The following PRICKLE1 variants were observed in gnomAD, a reference collection of about 807,000 sequenced individuals.
PRICKLE1 encodes the protein prickle-like protein 1.
Under a neutral mutation model 70.2 loss-of-function variants are expected in PRICKLE1, and 14 were observed. The ratio of observed to expected loss-of-function variants is 0.20; its 90% CI spans 0.13 to 0.31. The LOEUF is 0.31. PRICKLE1 is among the 10% of genes least tolerant of loss of function. The pLI, the probability that PRICKLE1 is intolerant of heterozygous loss-of-function variation, is 1.00. For synonymous variants in PRICKLE1, 357 were observed against 379.9 expected (o/e 0.94, Z 0.70); for missense variants, 821 against 1,026.2 (o/e 0.80, Z 2.73).
At chr12:42,556,198 C>G (rs185301337) in intron 1 of PRICKLE1, among the ~76,000 whole-genome samples, 75 of 152,302 alleles carry the variant, frequency 4.9e-4, no homozygotes, top group Non-Finnish European at 1.0e-3. Flanking sequence ...AAGCTACAGA[C>G]TTCATTACAA....
Position 42,464,163 on chromosome 12 carries a change from G to C in PRICKLE1, c.1639+232C>G, listed in dbSNP as rs1162780095. 2.0e-5 allele frequency among the ~76,000 whole-genome samples: 3 copies of C among 152,072 alleles called. No homozygotes were observed. Among genetic ancestry groups the C allele is most frequent in the African/African-American group, 7.2e-5 (3 of 41,408 alleles). ...CTTGCCTCAGCCTCCCGAGTAGCTG[G>C]GATCACAGGCCCATGCCCAGCTAAT... On this transcript the variant is annotated intron_variant, in intron 7 of 7. Transcript: ENST00000345127. The surrounding 1 kb of genome is among the most constrained non-coding windows in gnomAD (Gnocchi z 4.2).
At chr12:42,538,491 G>A (rs1047821704) in intron 1 of PRICKLE1, among the ~76,000 whole-genome samples, 13 of 152,156 alleles carry the variant, frequency 8.5e-5, no homozygotes, top group Non-Finnish European at 1.8e-4. Flanking sequence ...GGGGTGCGGG[G>A]GTGGAAGTGT....
At chr12:42,460,953 C>T (rs1486165140) in intron 7 of PRICKLE1, among the ~76,000 whole-genome samples, 1 of 152,166 alleles carries the variant, frequency 6.6e-6, no homozygotes. Flanking sequence ...GCTATCTCGG[C>T]ACACCACAAT....
intron 1 of PRICKLE1, among the ~76,000 whole-genome samples, chr12:42,547,701 C>A (rs539201861): frequency 6.6e-6 from 1 of 152,260 alleles, no homozygotes; most frequent in South Asian, 2.1e-4. Flanking sequence ...GCTGGATAAA[C>A]CCACTTCCAA....
chr12:42,469,329 T>G, intron 4 of PRICKLE1, 121 bp downstream of exon 4: 1 of 1,127,158 alleles, frequency 8.9e-7, no homozygotes, highest in Non-Finnish European at 1.3e-6. Flanking sequence ...TAGGCTGTCT[T>G]TCTCTCATTT....
chr12:42,526,208 C>G (rs1939795926), intron 1 of PRICKLE1, among the ~76,000 whole-genome samples: 1 of 151,874 alleles, frequency 6.6e-6, no homozygotes, highest in South Asian at 2.1e-4. Flanking sequence ...TTTCTTGGCA[C>G]TTTTCTAGAC....
chr12:42,531,686 A>T (rs942783076), intron 1 of PRICKLE1, among the ~76,000 whole-genome samples: 1 of 152,182 alleles, frequency 6.6e-6, no homozygotes, highest in African/African-American at 2.4e-5. Flanking sequence ...AAACAACTTA[A>T]TGGTAGCTAC....
At chr12:42,554,881 TA>T (rs1033348211) in intron 1 of PRICKLE1, among the ~76,000 whole-genome samples, 14 of 147,108 alleles carry the variant, frequency 9.5e-5, no homozygotes, top group African/African-American at 3.6e-4. Flanking sequence ...GACTAGAACT[TA>T]TTTTTTTTTT....
chr12:42,475,218 A>G (rs1938476040), intron 1 of PRICKLE1, among the ~76,000 whole-genome samples: 1 of 152,246 alleles, frequency 6.6e-6, no homozygotes, highest in Non-Finnish European at 1.5e-5. Flanking sequence ...CACAAAGTAA[A>G]GAGTCCAACT....
At chr12:42,518,941 G>A (rs930852681) in intron 1 of PRICKLE1, among the ~76,000 whole-genome samples, 4 of 152,104 alleles carry the variant, frequency 2.6e-5, no homozygotes, top group African/African-American at 9.7e-5. Context: ...TTTATTGGAG[G>A]AAGTAAAAAT....
chr12:42,527,113 C>CT (rs111480495), intron 1 of PRICKLE1, among the ~76,000 whole-genome samples: 17,625 of 117,130 alleles, frequency 0.15, 2,038 homozygotes, highest in African/African-American at 0.34. Flanking sequence ...AGTGTGCTTT[C>CT]TTTTTTTTTT....
intron 1 of PRICKLE1, among the ~76,000 whole-genome samples, chr12:42,523,287 C>T (rs7966769): frequency 0.39 from 58,955 of 152,112 alleles, 12,076 homozygotes; most frequent in East Asian, 0.6. Context: ...TTCTTAATCT[C>T]CTTTAAACTT....
At chr12:42,526,775 A>AGAG (rs1304582119) in intron 1 of PRICKLE1, among the ~76,000 whole-genome samples, 2 of 150,664 alleles carry the variant, frequency 1.3e-5, no homozygotes, top group African/African-American at 4.9e-5. Context: ...AAAAATGCTT[A>AGAG]GAGGAGTGCT....
intron 1 of PRICKLE1, among the ~76,000 whole-genome samples, chr12:42,587,759 A>G (rs1486408418): frequency 6.6e-6 from 1 of 152,274 alleles, no homozygotes; most frequent in Non-Finnish European, 1.5e-5. Flanking sequence ...AGGCTCCACC[A>G]GACAGCAAGA....
chr12:42,542,330 T>C (rs1182165769), intron 1 of PRICKLE1, among the ~76,000 whole-genome samples: 1 of 152,072 alleles, frequency 6.6e-6, no homozygotes, highest in Non-Finnish European at 1.5e-5. Flanking sequence ...ATTTAATCTA[T>C]ATTCAATATT....
At chr12:42,558,814 A>G (rs1482088833) in intron 1 of PRICKLE1, among the ~76,000 whole-genome samples, 1 of 152,234 alleles carries the variant, frequency 6.6e-6, no homozygotes. Context: ...TGAGCACTAC[A>G]ATGAGAAAGT....
At position 42,551,177 on chromosome 12, in the gene PRICKLE1, T is replaced by C. The variant is rs367832173; in HGVS notation, c.-49+38288A>G. Among the ~76,000 whole-genome samples the C allele has an allele frequency of 7.2e-5, 11 of 152,364 alleles. No individual in the cohort carries two copies. In the East Asian group the frequency reaches 1.2e-3, roughly 16 times the overall value. Reference sequence around the variant, plus strand: ...TTTATCAGCACCACCCTTGTTAATATGCACCTATGCAACCTTCAATTTTAA... The same window carrying C: ...TTTATCAGCACCACCCTTGTTAATACGCACCTATGCAACCTTCAATTTTAA... On this transcript the variant is annotated intron_variant, in intron 1 of 7. Transcript: ENST00000345127.
At chr12:42,474,867 A>T (rs1381014527) in intron 1 of PRICKLE1, among the ~76,000 whole-genome samples, 2 of 152,226 alleles carry the variant, frequency 1.3e-5, no homozygotes, top group Non-Finnish European at 2.9e-5. Context: ...GAACATAAAT[A>T]TTAAATAGAA....
chr12:42,518,153 A>T (rs1030620761), intron 1 of PRICKLE1, among the ~76,000 whole-genome samples: 1 of 151,100 alleles, frequency 6.6e-6, no homozygotes, highest in Admixed American at 6.6e-5. Context: ...GGGTGATCCT[A>T]CTGCCTCAGC....
Sources: allele counts gnomAD v4.1 joint callset (sites outside exome capture counted in the v4.1 genomes callset), GRCh38; gene constraint gnomAD v4.1.1; non-coding constraint Gnocchi (gnomAD v3.1); transcripts MANE v1.5; gene names NCBI Gene and HGNC (gene_info 2026-07-23, HGNC 2026-07-21).